The following CIAPIN1 variants were observed in gnomAD, a reference collection of about 807,000 sequenced individuals.
The protein encoded by CIAPIN1 is cytokine induced apoptosis inhibitor 1.
Under a neutral mutation model 34.3 loss-of-function variants are expected in CIAPIN1, and 18 were observed. The observed-to-expected ratio is 0.52, with a 90% confidence interval of 0.36 to 0.78. The LOEUF (loss-of-function observed/expected upper bound fraction) is 0.78. Among genes scored for constraint, CIAPIN1 ranks in the 30% least tolerant of loss-of-function variants. The pLI is 0.00. For missense variants in CIAPIN1, 310 were observed against 372.5 expected (o/e 0.83, Z 1.38); for synonymous variants, 131 against 140.4 (o/e 0.93, Z 0.47).
chr16:57,432,509 T>C lies in CIAPIN1; in HGVS notation c.608A>G (p.Asn203Ser). Residue 203 changes from asparagine to serine, a missense_variant, in exon 6 of 9, where the codon AAC becomes AGC. Coordinates refer to ENST00000394391, the MANE Select transcript of CIAPIN1 (RefSeq NM_020313.4). The stretch of plus-strand genomic sequence containing the variant: ...CACCATGCTGTCGTCCTCCATATCG[T>C]TGGCTGAGAGGGTCCACAGCTTGGC... ...AAAKLWTLSA[N>S]DMEDDSMDLI... 5.6e-6 allele frequency: 9 copies of C among 1,613,650 alleles called. No homozygotes were observed. Among genetic ancestry groups the C allele is most frequent in the Non-Finnish European group, 6.8e-6 (8 of 1,179,934 alleles).
At chr16:57,439,848 T>C (rs1903286934) in intron 2 of CIAPIN1, among the ~76,000 whole-genome samples, 1 of 152,194 alleles carries the variant, frequency 6.6e-6, no homozygotes, top group South Asian at 2.1e-4. Context: ...CTGTGATGAT[T>C]GCGTTAACTG....
At chr16:57,434,994 G>C (rs1236870909) in intron 4 of CIAPIN1, among the ~76,000 whole-genome samples, 1 of 152,150 alleles carries the variant, frequency 6.6e-6, no homozygotes, top group Non-Finnish European at 1.5e-5. Flanking sequence ...GGTGTAAAGT[G>C]AATTTTTATG....
At chr16:57,447,243 G>A (rs1567576115) in intron 1 of CIAPIN1, 99 bp downstream of exon 1, 2 of 376,418 alleles carry the variant, frequency 5.3e-6, no homozygotes, top group Non-Finnish European at 9.4e-6. Flanking sequence ...ATCGAGGAAC[G>A]GGGTGGGAAG....
At chr16:57,446,115 G>A (rs1422962151) in intron 1 of CIAPIN1, among the ~76,000 whole-genome samples, 1 of 152,116 alleles carries the variant, frequency 6.6e-6, no homozygotes, top group African/African-American at 2.4e-5. Context: ...CAAAGTGCTG[G>A]GATTACAGGC....
At chr16:57,432,684 G>T in intron 5 of CIAPIN1, 124 bp from the exon 6 acceptor site, 1 of 880,820 alleles carries the variant, frequency 1.1e-6, no homozygotes, top group Non-Finnish European at 1.7e-6. Context: ...AGAAGATGTG[G>T]GTTCACAGTC....
chr16:57,446,289 A>T (rs1471475000), intron 1 of CIAPIN1, among the ~76,000 whole-genome samples: 2 of 152,224 alleles, frequency 1.3e-5, no homozygotes, highest in African/African-American at 4.8e-5. Flanking sequence ...AGAACTCAGA[A>T]ACAAATCCTT....
chr16:57,429,987 G>C (rs1903050193), intron 8 of CIAPIN1, among the ~76,000 whole-genome samples: 1 of 152,098 alleles, frequency 6.6e-6, no homozygotes, highest in Admixed American at 6.6e-5. Context: ...ACCAACTTTA[G>C]CTAACTGTCT....
chr16:57,446,942 G>C (rs1315217601), intron 1 of CIAPIN1, among the ~76,000 whole-genome samples: 1 of 152,200 alleles, frequency 6.6e-6, no homozygotes, highest in African/African-American at 2.4e-5. Flanking sequence ...AACCCCCAGG[G>C]ACCAAAACGT....
chr16:57,440,594 C>T (rs954189946), intron 2 of CIAPIN1, among the ~76,000 whole-genome samples, 178 bp downstream of exon 2: 3 of 152,174 alleles, frequency 2.0e-5, no homozygotes, highest in African/African-American at 7.2e-5. Flanking sequence ...AAAGAACCTA[C>T]GTTGAATTAT....
chr16:57,434,649 A>G (rs868647619), intron 4 of CIAPIN1, among the ~76,000 whole-genome samples: 1 of 152,204 alleles, frequency 6.6e-6, no homozygotes, highest in Non-Finnish European at 1.5e-5. Context: ...GTAGAAAAAA[A>G]GGGTCAGGGT....
chr16:57,430,540 T>C (rs1365618618), intron 7 of CIAPIN1: 1 of 588,224 alleles, frequency 1.7e-6, no homozygotes, highest in African/African-American at 1.9e-5. Flanking sequence ...AAGTACCGTG[T>C]GTGCTCTGTC....
intron 2 of CIAPIN1, among the ~76,000 whole-genome samples, 175 bp downstream of exon 2, chr16:57,440,597 T>C (rs146421296): frequency 0.032 from 4,815 of 152,102 alleles, 260 homozygotes; most frequent in African/African-American, 0.11. Context: ...GAACCTACGT[T>C]GAATTATTGG....
At chr16:57,431,075 T>C in intron 7 of CIAPIN1, 76 bp downstream of exon 7, 1 of 783,324 alleles carries the variant, frequency 1.3e-6, no homozygotes, top group Admixed American at 2.1e-5. Context: ...GTTCTAAAAA[T>C]AGTACAGCAC....
At chr16:57,433,950 TAA>T in intron 5 of CIAPIN1, 92 bp downstream of exon 5, 1 of 1,150,444 alleles carries the variant, frequency 8.7e-7, no homozygotes, top group Non-Finnish European at 1.3e-6. Flanking sequence ...ACTAATCCTC[TAA>T]AAATATCACC....
chr16:57,434,080 G>C lies in CIAPIN1; in HGVS notation c.520C>G (p.Leu174Val). The C allele has an allele frequency of 6.2e-7, 1 of 1,614,166 alleles. No individual in the cohort carries two copies. Among genetic ancestry groups the C allele is most frequent in the African/African-American group, 1.3e-5 (1 of 75,070 alleles). Residue 174 changes from leucine (L) to valine (V), a missense_variant, in exon 5 of 9, where the codon CTT (leucine) becomes GTT (valine). Leu to Val is a conservative substitution (Grantham distance 32, BLOSUM62 1). Transcript: ENST00000394391. ...GACTTCTTGGTGATGGAAAGCTTAA[G>C]CTGCCTAGAAGAACCCACTTCAAAG... Reference protein sequence around the residue: ...PNFEVGSSRQLKLSITKKSSP... With the variant: ...PNFEVGSSRQVKLSITKKSSP...
Position 57,434,096 on chromosome 16 carries a change from C to T in CIAPIN1, c.504G>A (p.Val168=), listed in dbSNP as rs1338553104. The T allele has an allele frequency of 2.7e-5, 44 of 1,614,016 alleles. No homozygotes were observed. The highest frequency in any genetic ancestry group is 3.1e-5 in the Non-Finnish European group (37 of 1,180,028). ...QITGKKPNFE[V]GSSRQLKLSI... is the part of the protein sequence containing the mutation. ...AAAGCTTAAGCTGCCTAGAAGAACCCACTTCAAAGTTTGGTTTTTTGCCTG... is the reference window on the plus strand; with the variant it reads ...AAAGCTTAAGCTGCCTAGAAGAACCTACTTCAAAGTTTGGTTTTTTGCCTG... Residue 168 remains valine, a synonymous_variant, in exon 5 of 9, where the codon GTG becomes GTA. Transcript: ENST00000394391.
chr16:57,440,373 T>C (rs562028238), intron 2 of CIAPIN1, among the ~76,000 whole-genome samples: 1 of 152,296 alleles, frequency 6.6e-6, no homozygotes, highest in African/African-American at 2.4e-5. Flanking sequence ...TATTGCCTTG[T>C]GAAGCATGTG....
At chr16:57,430,593 CT>C (rs1199625832) in intron 7 of CIAPIN1, 3 of 412,102 alleles carry the variant, frequency 7.3e-6, no homozygotes, top group African/African-American at 6.0e-5. Flanking sequence ...GGTTATCATG[CT>C]GGGGAAAGTG....
chr16:57,431,301 G>A lies in CIAPIN1; in HGVS notation c.631-35C>T, dbSNP rs1234392778. The A allele has an allele frequency of 1.1e-5, 16 of 1,430,050 alleles. No individual in the cohort carries two copies. The Admixed American group carries it at 1.5e-4, about 14-fold the overall frequency. The allele number at this position is 1,430,050 out of a possible 1,614,324, so 88.6% of individuals were successfully genotyped here. On this transcript the variant is annotated intron_variant, in intron 6 of 8. Coordinates refer to ENST00000394391, the MANE Select transcript of CIAPIN1 (RefSeq NM_020313.4). ...GTTCAAAGCAATGAGTGATACAGTCGTGGTCTCTGCTAATGAAAAGCTAAA... is the reference window on the plus strand; with the variant it reads ...GTTCAAAGCAATGAGTGATACAGTCATGGTCTCTGCTAATGAAAAGCTAAA...
Sources: allele counts gnomAD v4.1 joint callset (sites outside exome capture counted in the v4.1 genomes callset), GRCh38; gene constraint gnomAD v4.1.1; transcripts MANE v1.5; gene names NCBI Gene and HGNC (gene_info 2026-07-23, HGNC 2026-07-21).